SPATA17: variants seen among roughly 807,000 people sequenced by gnomAD.
SPATA17 encodes the protein spermatogenesis-associated protein 17.
Under a neutral mutation model 62.2 loss-of-function variants are expected in SPATA17, and 53 were observed. The observed-to-expected ratio is 0.85, with a 90% CI of 0.68 to 1.07. The LOEUF (loss-of-function observed/expected upper bound fraction) is 1.07, where lower values mean the gene tolerates loss of function less well. Among genes scored for constraint, SPATA17 ranks in the 50% least tolerant of loss-of-function variants. The pLI is 0.00. For missense variants in SPATA17, 466 were observed against 425.5 expected, an observed-to-expected ratio of 1.10 and a Z score of -0.84; for synonymous variants, 146 against 146.8, an observed-to-expected ratio of 0.99 and a Z score of 0.04.
intron 9 of SPATA17, among the ~76,000 whole-genome samples, chr1:217,807,773 A>C (rs1571818598): frequency 6.6e-6 from 1 of 152,204 alleles, no homozygotes; most frequent in East Asian, 1.9e-4. Context: ...TCTTAAATAA[A>C]AATGTCTGAA....
chr1:217,867,324 C>T lies in SPATA17; in HGVS notation c.*305C>T, dbSNP rs1310786448. On this transcript the variant is annotated 3_prime_UTR_variant, in exon 11 of 11. Transcript: ENST00000366933. ...AAATACCCATATTCTGACCCCATCA[C>T]CCGGGTCACAAATGATGACACCAGT... 1 of 152,144 alleles carries T rather than the reference C, an allele frequency of 6.6e-6. No individual in the cohort carries two copies. Among genetic ancestry groups the T allele is most frequent in the African/African-American group, 2.4e-5 (1 of 41,434 alleles). 9.4% of individuals were successfully genotyped at this position (152,144 alleles called of 1,614,324 possible).
chr1:217,727,032 G>A (rs1200584972), intron 5 of SPATA17, among the ~76,000 whole-genome samples: 1 of 151,944 alleles, frequency 6.6e-6, no homozygotes, highest in Non-Finnish European at 1.5e-5. Context: ...CGGATCACCT[G>A]AGGTCAGGAG....
chr1:217,751,560 T>G (rs1382906792), intron 6 of SPATA17, among the ~76,000 whole-genome samples: 1 of 152,238 alleles, frequency 6.6e-6, no homozygotes, highest in Non-Finnish European at 1.5e-5. Context: ...CTATTAACTC[T>G]TACATTTTAT....
In SPATA17 at chr1:217,770,978, A is replaced by AATTTTTTTTTTTTTTTTT. The variant is rs1553251071; in HGVS notation, c.520-3356_520-3355insATTTTTTTTTTTTTTTTT. 3.0e-3 allele frequency among the ~76,000 whole-genome samples: 149 copies of AATTTTTTTTTTTTTTTTT among 50,172 alleles called. 24 individuals are homozygous for AATTTTTTTTTTTTTTTTT. The highest frequency in any genetic ancestry group is 5.0e-3 in the South Asian group (5 of 1,000). The allele number at this position is 50,172 out of a possible 152,430, so 32.9% of individuals were successfully genotyped here. On this transcript the variant is annotated intron_variant, in intron 6 of 10. Transcript: ENST00000366933. ...ATGTATCTATTATATAACTCATTGC[A>AATTTTTTTTTTTTTTTTT]TTTTTTTTTTTTTTTTTTTTTTTTT...
chr1:217,744,026 T>C (rs1553371642), intron 6 of SPATA17, among the ~76,000 whole-genome samples: 1 of 152,180 alleles, frequency 6.6e-6, no homozygotes, highest in Non-Finnish European at 1.5e-5. Flanking sequence ...CAGTTTTTTT[T>C]ACTGATAAAA....
At chr1:217,690,289 A>G (rs1016101869) in intron 5 of SPATA17, among the ~76,000 whole-genome samples, 1 of 151,914 alleles carries the variant, frequency 6.6e-6, no homozygotes, top group African/African-American at 2.4e-5. Context: ...TTTAATCTTT[A>G]ATATTTTCCA....
At chr1:217,701,410 A>C (rs992900935) in intron 5 of SPATA17, among the ~76,000 whole-genome samples, 1 of 146,516 alleles carries the variant, frequency 6.8e-6, no homozygotes, top group East Asian at 2.1e-4. Context: ...TTTGACATGA[A>C]GTTTTGCTCT....
chr1:217,835,184 G>C (rs572300890), intron 9 of SPATA17, among the ~76,000 whole-genome samples: 1 of 152,200 alleles, frequency 6.6e-6, no homozygotes, highest in East Asian at 1.9e-4. Context: ...GTGACTATAT[G>C]AGTTTTCCAA....
chr1:217,745,478 T>C (rs1672726612), intron 6 of SPATA17, among the ~76,000 whole-genome samples: 1 of 152,144 alleles, frequency 6.6e-6, no homozygotes, highest in Non-Finnish European at 1.5e-5. Context: ...ACAGATTTGC[T>C]TTACTTAGCT....
At chr1:217,864,453 G>A (rs764876539) in intron 10 of SPATA17, among the ~76,000 whole-genome samples, 6 of 152,006 alleles carry the variant, frequency 3.9e-5, no homozygotes, top group South Asian at 2.1e-4. Context: ...TTCAAAGTAC[G>A]CTGTGTAGTC....
intron 4 of SPATA17, among the ~76,000 whole-genome samples, chr1:217,670,540 A>G (rs1670808764): frequency 6.6e-6 from 1 of 152,216 alleles, no homozygotes; most frequent in African/African-American, 2.4e-5. Context: ...AACATATACT[A>G]AAAGCTCAAT....
Position 217,869,420 on chromosome 1 carries a change from CT to C in SPATA17, c.*2403del, listed in dbSNP as rs1676085269. 6.6e-6 allele frequency: 1 copy of C among 152,084 alleles called. No individual in the cohort carries two copies. The highest frequency in any genetic ancestry group is 2.1e-4 in the South Asian group (1 of 4,822). The allele number at this position is 152,084 out of a possible 1,614,324, so 9.4% of individuals were successfully genotyped here. ...TAGATTGTAAATGTTTCTTATCTGA[CT>C]TAAAAAGGTGTCAGACTCTTAGTAA... On this transcript the variant is annotated 3_prime_UTR_variant, in exon 11 of 11. Transcript: ENST00000366933.
At chr1:217,676,854 G>A (rs975776814) in intron 4 of SPATA17, among the ~76,000 whole-genome samples, 2 of 152,028 alleles carry the variant, frequency 1.3e-5, no homozygotes, top group Admixed American at 6.6e-5. Context: ...GAAAAAAATG[G>A]TAATAATCAA....
intron 7 of SPATA17, among the ~76,000 whole-genome samples, chr1:217,781,778 G>T (rs1264914785): frequency 6.6e-6 from 1 of 152,094 alleles, no homozygotes; most frequent in Non-Finnish European, 1.5e-5. Flanking sequence ...CTGTTGGAAA[G>T]CTATGCTTAG....
chr1:217,745,595 A>G (rs1672730067), intron 6 of SPATA17, among the ~76,000 whole-genome samples: 1 of 152,166 alleles, frequency 6.6e-6, no homozygotes, highest in Non-Finnish European at 1.5e-5. Flanking sequence ...AGTATGCAAC[A>G]CTAAGATTTA....
intron 8 of SPATA17, among the ~76,000 whole-genome samples, chr1:217,784,017 T>A (rs1201987248): frequency 1.3e-5 from 2 of 152,086 alleles, no homozygotes; most frequent in Admixed American, 6.6e-5. Flanking sequence ...ATCTATTATT[T>A]TTTTTTTGCA....
chr1:217,701,703 C>A (rs1671603341), intron 5 of SPATA17, among the ~76,000 whole-genome samples: 1 of 152,014 alleles, frequency 6.6e-6, no homozygotes, highest in Non-Finnish European at 1.5e-5. Context: ...ATTTTTATTT[C>A]ATGTTTATTT....
chr1:217,727,456 G>C (rs933838910), intron 5 of SPATA17, among the ~76,000 whole-genome samples: 1 of 151,762 alleles, frequency 6.6e-6, no homozygotes, highest in African/African-American at 2.4e-5. Flanking sequence ...TACAGTTCTT[G>C]ATGCATAGTG....
intron 3 of SPATA17, among the ~76,000 whole-genome samples, chr1:217,654,602 C>T (rs1051129402): frequency 6.6e-6 from 1 of 151,612 alleles, no homozygotes; most frequent in Non-Finnish European, 1.5e-5. Context: ...ATTATTATTT[C>T]CTCTTCTCTG....
Sources: gnomAD v4.1 joint callset for allele counts (sites outside exome capture counted in the v4.1 genomes callset) on GRCh38, gnomAD v4.1.1 for gene constraint, MANE v1.5 for transcripts, NCBI Gene and HGNC (gene_info 2026-07-23, HGNC 2026-07-21) for gene names.